BMP7: variants seen among roughly 807,000 people sequenced by gnomAD.
The protein encoded by BMP7 is bone morphogenetic protein 7.
In BMP7, 12 loss-of-function variants were observed where a neutral mutation model predicts 41.2. The ratio of observed to expected loss-of-function variants is 0.29; its 90% confidence interval spans 0.19 to 0.47. The LOEUF (loss-of-function observed/expected upper bound fraction) is 0.47, where lower values mean the gene tolerates loss of function less well. Among genes scored for constraint, BMP7 ranks in the 20% least tolerant of loss-of-function variants. The pLI, the probability that BMP7 is intolerant of heterozygous loss-of-function variation, is 0.99. For missense variants in BMP7, 467 were observed against 606.0 expected, an observed-to-expected ratio of 0.77 and a Z score of 2.41; for synonymous variants, 248 against 250.0, an observed-to-expected ratio of 0.99 and a Z score of 0.07.
chr20:57,202,684 A>G, intron 2 of BMP7, 61 bp from the exon 3 acceptor site: 2 of 1,533,476 alleles, frequency 1.3e-6, no homozygotes, highest in East Asian at 2.3e-5. Flanking sequence ...CCACTACCCC[A>G]ACAGATGGGA....
intron 3 of BMP7, among the ~76,000 whole-genome samples, chr20:57,191,108 G>C (rs1169333366): frequency 1.3e-5 from 2 of 152,226 alleles, no homozygotes; most frequent in African/African-American, 2.4e-5. Flanking sequence ...GATGTGTAAA[G>C]GTGAGTCATC....
Position 57,259,623 on chromosome 20 carries a change from A to G in BMP7, c.418+6082T>C, listed in dbSNP as rs1238993273. On this transcript the variant is annotated intron_variant, in intron 1 of 6. Transcript: ENST00000395863. The surrounding 1 kb of genome is among the most constrained non-coding windows in gnomAD (Gnocchi z 4.7). ...CTCGGAGTTGTCATTAATTCAATCC[A>G]CTCCACGCGGATCAGCACAGGCTTT... Among the ~76,000 whole-genome samples, 2 of 151,776 alleles carry G rather than the reference A, an allele frequency of 1.3e-5. No homozygotes were observed. Among genetic ancestry groups the G allele is most frequent in the African/African-American group, 4.8e-5 (2 of 41,284 alleles).
chr20:57,212,064 G>A (rs776033645), intron 2 of BMP7, among the ~76,000 whole-genome samples: 12 of 152,158 alleles, frequency 7.9e-5, no homozygotes, highest in Non-Finnish European at 1.6e-4. Flanking sequence ...GGAGCTCCGG[G>A]TCCAGAGGCT....
In BMP7 at chr20:57,259,542, G is replaced by A. The variant is rs758205978; in HGVS notation, c.418+6163C>T. ...CGTTCAACATGTTTGCACAGGAACC[G>A]GATTATATGCACCCTGGCTCCAAAA... On this transcript the variant is annotated intron_variant, in intron 1 of 6. Transcript: ENST00000395863. This position sits in a 1 kb window ranked among gnomAD's most constrained non-coding sequence, Gnocchi z 4.7. Among the ~76,000 whole-genome samples the A allele has an allele frequency of 4.6e-5, 7 of 152,132 alleles. No individual in the cohort carries two copies. The highest frequency in any genetic ancestry group is 4.1e-4 in the South Asian group (2 of 4,822).
intron 4 of BMP7, among the ~76,000 whole-genome samples, chr20:57,177,160 G>A (rs1983947616): frequency 6.6e-6 from 1 of 152,078 alleles, no homozygotes; most frequent in South Asian, 2.1e-4. Context: ...GGAATGAAAT[G>A]GGCTAGAAGC....
At position 57,266,087 on chromosome 20, in the gene BMP7, G is replaced by C. The variant is rs1021408170; in HGVS notation, c.36C>G (p.His12Gln). The change falls in exon 1 of 7, where the codon CAC becomes CAG. Residue 12 changes from histidine (H) to glutamine (Q), a missense_variant. Physicochemically the swap from His to Gln is conservative, Grantham distance 24 (BLOSUM62 0). This residue lies in a region of BMP7 where 407 missense variants were observed against 485.9 expected (regional missense o/e 0.84). Coordinates refer to ENST00000395863, the MANE Select transcript of BMP7 (RefSeq NM_001719.3). ...GGGGTGCCCAGAGCGCCACGAAGCT[G>C]TGCGGCGCCGCAGCTCGCAGTGAGC... ...HVRSLRAAAP[H>Q]SFVALWAPLF... 1 of 1,537,290 alleles carries C rather than the reference G, an allele frequency of 6.5e-7. No homozygotes were observed. The highest frequency in any genetic ancestry group is 8.7e-7 in the Non-Finnish European group (1 of 1,146,520).
chr20:57,194,204 A>G (rs1182277465), intron 3 of BMP7, among the ~76,000 whole-genome samples: 1 of 152,168 alleles, frequency 6.6e-6, no homozygotes, highest in African/African-American at 2.4e-5. Context: ...ATTGCCAACC[A>G]TGATGAGAGA....
At chr20:57,253,456 C>T (rs1184694140) in intron 1 of BMP7, among the ~76,000 whole-genome samples, 3 of 152,186 alleles carry the variant, frequency 2.0e-5, no homozygotes, top group Admixed American at 6.5e-5. Context: ...TGCTTTATAT[C>T]GGGCACCTTA....
intron 1 of BMP7, among the ~76,000 whole-genome samples, chr20:57,248,989 G>A (rs996290588): frequency 1.3e-5 from 2 of 151,910 alleles, no homozygotes; most frequent in African/African-American, 4.8e-5. Flanking sequence ...TTTTAGTAGA[G>A]ACGATGTTTC....
intron 4 of BMP7, among the ~76,000 whole-genome samples, chr20:57,179,227 CGAA>C (rs1984011016): frequency 6.6e-6 from 1 of 152,200 alleles, no homozygotes; most frequent in Non-Finnish European, 1.5e-5. Flanking sequence ...GGAAAGGAAA[CGAA>C]GGAGGGACTC....
chr20:57,244,076 A>G (rs2066080225), intron 1 of BMP7: 1 of 152,192 alleles, frequency 6.6e-6, no homozygotes, highest in South Asian at 2.1e-4. Flanking sequence ...CCCAGGAGTA[A>G]AGTAGACCAG....
At chr20:57,211,733 G>A (rs746702273) in intron 2 of BMP7, among the ~76,000 whole-genome samples, 5 of 152,138 alleles carry the variant, frequency 3.3e-5, no homozygotes, top group Non-Finnish European at 5.9e-5. Flanking sequence ...GTGTGACTGC[G>A]GCTGGGAACC....
intron 3 of BMP7, among the ~76,000 whole-genome samples, chr20:57,200,013 G>T (rs1441661352): frequency 3.3e-5 from 5 of 152,202 alleles, no homozygotes; most frequent in Admixed American, 3.3e-4. Context: ...GAATGGAGAG[G>T]GTCTCAGGTG....
At chr20:57,209,829 A>G (rs1984838540) in intron 2 of BMP7, among the ~76,000 whole-genome samples, 1 of 152,240 alleles carries the variant, frequency 6.6e-6, no homozygotes, top group Non-Finnish European at 1.5e-5. Flanking sequence ...CATGTACGTC[A>G]ATATTGTCTC....
At chr20:57,241,876 G>A (rs2066071074) in intron 1 of BMP7, among the ~76,000 whole-genome samples, 1 of 152,188 alleles carries the variant, frequency 6.6e-6, no homozygotes, top group Non-Finnish European at 1.5e-5. Context: ...AGGGGATGGG[G>A]CAGGGAGAGG....
At chr20:57,193,709 TATA>T (rs1158208526) in intron 3 of BMP7, among the ~76,000 whole-genome samples, 2 of 152,224 alleles carry the variant, frequency 1.3e-5, no homozygotes, top group Non-Finnish European at 2.9e-5. Flanking sequence ...TGATTACTCA[TATA>T]ATGAGAGACA....
rs539340261 is a variant in BMP7 at position 57,215,219 on chromosome 20, G to A, written c.612-12596C>T. 1.7e-3 allele frequency among the ~76,000 whole-genome samples: 254 copies of A among 152,240 alleles called. 1 individual carries two copies. Among genetic ancestry groups the A allele is most frequent in the Non-Finnish European group, 3.0e-3 (205 of 68,020 alleles). ...CACAGGCCTGGCTATGGAACCAGGG[G>A]GCTGTCAAATTACCTCAAATTGACC... On this transcript the variant is annotated intron_variant, in intron 2 of 6. Transcript: ENST00000395863. The surrounding 1 kb of genome is among the most constrained non-coding windows in gnomAD (Gnocchi z 4.2).
intron 4 of BMP7, among the ~76,000 whole-genome samples, chr20:57,179,735 AGCCTAGGGTGGG>A (rs762238845): frequency 7.2e-5 from 11 of 152,260 alleles, no homozygotes; most frequent in Non-Finnish European, 1.2e-4. Context: ...CTCTGGCCTA[AGCCTAGGGTGGG>A]GCCCAGGCCT....
chr20:57,230,312 T>C (rs2066024201), intron 1 of BMP7, among the ~76,000 whole-genome samples: 1 of 151,896 alleles, frequency 6.6e-6, no homozygotes, highest in South Asian at 2.1e-4. Context: ...GGAGTCTCCG[T>C]AAAGGGCAGC....
Sources: allele counts gnomAD v4.1 joint callset (sites outside exome capture counted in the v4.1 genomes callset), GRCh38; gene constraint gnomAD v4.1.1; regional missense constraint gnomAD v4.1.1; non-coding constraint Gnocchi (gnomAD v3.1); transcripts MANE v1.5; gene names NCBI Gene and HGNC (gene_info 2026-07-23, HGNC 2026-07-21).